Variants in NSMCE2 observed in about 807,000 individuals in gnomAD.
NSMCE2 encodes the protein NSE2 SUMO ligase component of SMC5/6 complex, also known as E3 SUMO-protein ligase NSE2.
Under a neutral mutation model 23.8 loss-of-function variants are expected in NSMCE2, and 24 were observed. The ratio of observed to expected loss-of-function variants is 1.01; its 90% CI spans 0.73 to 1.42. The LOEUF (loss-of-function observed/expected upper bound fraction) is 1.42, where lower values mean the gene tolerates loss of function less well. NSMCE2 is among the 40% of genes most tolerant of loss of function. The pLI is 0.00. For synonymous variants in NSMCE2, 92 were observed against 94.1 expected (o/e 0.98, Z 0.13); for missense variants, 284 against 296.5 (o/e 0.96, Z 0.31).
chr8:125,181,958 A>G lies in NSMCE2; in HGVS notation c.265-145A>G, dbSNP rs556191373. The G allele has an allele frequency of 1.3e-4, 82 of 652,452 alleles. No individual in the cohort carries two copies. The South Asian group carries it at 1.4e-3, about 11-fold the overall frequency. The allele number at this position is 652,452 out of a possible 1,614,324, so 40.4% of individuals were successfully genotyped here. A position where few individuals can be genotyped will look rare whatever the true frequency, so the allele number is the denominator to read the frequency against. On this transcript the variant is annotated intron_variant, in intron 4 of 7. Coordinates refer to ENST00000287437, the MANE Select transcript of NSMCE2 (RefSeq NM_173685.4). Reference sequence around the variant, plus strand: ...GCAGTCTGTCCTAGAACATGTCCCAACCTCTCTGGTGCTTTGTTCAAGAGA... The same window carrying G: ...GCAGTCTGTCCTAGAACATGTCCCAGCCTCTCTGGTGCTTTGTTCAAGAGA...
chr8:125,177,497 A>C lies in NSMCE2; in HGVS notation c.265-4606A>C, dbSNP rs548070703. 5.9e-5 allele frequency among the ~76,000 whole-genome samples: 9 copies of C among 152,248 alleles called. No individual in the cohort carries two copies. In the East Asian group the frequency reaches 1.5e-3, roughly 26 times the overall value. ...CAGAACTCTGTTAACCCCTTTTCTCATCTCAACACAGTGTAATTTAGCCTT... is the reference window on the plus strand; with the variant it reads ...CAGAACTCTGTTAACCCCTTTTCTCCTCTCAACACAGTGTAATTTAGCCTT... On this transcript the variant is annotated intron_variant, in intron 4 of 7. Coordinates refer to ENST00000287437, the MANE Select transcript of NSMCE2 (RefSeq NM_173685.4).
chr8:125,118,196 A>G (rs1819110797), intron 3 of NSMCE2, among the ~76,000 whole-genome samples: 1 of 152,048 alleles, frequency 6.6e-6, no homozygotes, highest in Admixed American at 6.5e-5. Flanking sequence ...AAATACAAAA[A>G]TTAGCTGGGC....
chr8:125,115,729 TA>T (rs1302930353), intron 3 of NSMCE2, among the ~76,000 whole-genome samples: 1 of 150,682 alleles, frequency 6.6e-6, no homozygotes, highest in African/African-American at 2.5e-5. Context: ...TCCGTCTCAA[TA>T]AAAAAAAATA....
chr8:125,134,510 AATG>A (rs983905172), intron 3 of NSMCE2, among the ~76,000 whole-genome samples: 10 of 152,138 alleles, frequency 6.6e-5, no homozygotes, highest in African/African-American at 2.2e-4. Context: ...TGATTTTTCT[AATG>A]ATCATTAAAA....
intron 4 of NSMCE2, among the ~76,000 whole-genome samples, chr8:125,173,414 T>G (rs1822321488): frequency 6.6e-6 from 1 of 152,240 alleles, no homozygotes; most frequent in Non-Finnish European, 1.5e-5. Flanking sequence ...ATGTTTTGTA[T>G]TATTCACTGG....
chr8:125,365,905 G>A (rs183474191), intron 7 of NSMCE2, among the ~76,000 whole-genome samples: 3 of 152,158 alleles, frequency 2.0e-5, no homozygotes, highest in Non-Finnish European at 2.9e-5. Context: ...CCCCATTGGC[G>A]CACTGACCTC....
chr8:125,275,526 C>G (rs1827416382), intron 5 of NSMCE2, among the ~76,000 whole-genome samples: 1 of 152,168 alleles, frequency 6.6e-6, no homozygotes, highest in Non-Finnish European at 1.5e-5. Flanking sequence ...CCTCTAACTT[C>G]CTGAATTCTA....
chr8:125,348,819 C>G (rs991943641), intron 5 of NSMCE2: 1 of 152,086 alleles, frequency 6.6e-6, no homozygotes, highest in Non-Finnish European at 1.5e-5. Flanking sequence ...ATTACCCAGT[C>G]TTGGATGTGT....
At chr8:125,340,410 A>C (rs1830208177) in intron 5 of NSMCE2, among the ~76,000 whole-genome samples, 1 of 150,828 alleles carries the variant, frequency 6.6e-6, no homozygotes, top group South Asian at 2.1e-4. Context: ...TCTGAAAAAT[A>C]AAATAACTGA....
rs924992483 is a variant in NSMCE2 at position 125,163,651 on chromosome 8, C to T, written c.264+12374C>T. ...AAATTGAAAGGTGGTTATATAGTTACCACATACAGTCCTCATCTGACAACC... is the reference window on the plus strand; with the variant it reads ...AAATTGAAAGGTGGTTATATAGTTATCACATACAGTCCTCATCTGACAACC... On this transcript the variant is annotated intron_variant, in intron 4 of 7. Coordinates refer to ENST00000287437, the MANE Select transcript of NSMCE2 (RefSeq NM_173685.4). Among the ~76,000 whole-genome samples, 3 of 152,158 alleles carry T rather than the reference C, an allele frequency of 2.0e-5. No homozygotes were observed. In the East Asian group the frequency reaches 5.8e-4, roughly 29 times the overall value.
intron 5 of NSMCE2, among the ~76,000 whole-genome samples, chr8:125,336,396 A>G (rs950790373): frequency 1.3e-5 from 2 of 152,184 alleles, no homozygotes; most frequent in South Asian, 2.1e-4. Flanking sequence ...CCCGAGATCA[A>G]ATAGCTAGGG....
chr8:125,244,895 A>G (rs1166439842), intron 5 of NSMCE2, among the ~76,000 whole-genome samples: 4 of 152,310 alleles, frequency 2.6e-5, no homozygotes, highest in Admixed American at 2.0e-4. Flanking sequence ...ATAACTACAC[A>G]CTGTACTTTG....
intron 4 of NSMCE2, among the ~76,000 whole-genome samples, chr8:125,178,743 A>C: frequency 6.7e-6 from 1 of 148,348 alleles, no homozygotes; most frequent in Non-Finnish European, 1.5e-5. Context: ...GGTGACGGGC[A>C]CCTGTAGTCC....
At chr8:125,366,372 C>G (rs1253923424) in intron 7 of NSMCE2, among the ~76,000 whole-genome samples, 2 of 152,140 alleles carry the variant, frequency 1.3e-5, no homozygotes, top group African/African-American at 4.8e-5. Flanking sequence ...AACCCTGACT[C>G]TATTAAAAAT....
chr8:125,140,230 T>G (rs1488200338), intron 3 of NSMCE2, among the ~76,000 whole-genome samples: 1 of 152,202 alleles, frequency 6.6e-6, no homozygotes, highest in African/African-American at 2.4e-5. Flanking sequence ...AGATACTAGC[T>G]TAAGTGAAGA....
intron 4 of NSMCE2, among the ~76,000 whole-genome samples, chr8:125,171,483 G>C (rs10106955): frequency 0.027 from 4,134 of 152,220 alleles, 172 homozygotes; most frequent in African/African-American, 0.094. Flanking sequence ...CTAATCAATA[G>C]CATAGGATGT....
chr8:125,273,219 G>A (rs1309875240), intron 5 of NSMCE2, among the ~76,000 whole-genome samples: 1 of 152,174 alleles, frequency 6.6e-6, no homozygotes, highest in African/African-American at 2.4e-5. Context: ...AGACATTTTG[G>A]TATTGAGTCA....
intron 5 of NSMCE2, among the ~76,000 whole-genome samples, chr8:125,284,714 T>C (rs1488039405): frequency 1.3e-5 from 2 of 152,236 alleles, no homozygotes; most frequent in African/African-American, 2.4e-5. Flanking sequence ...GAGGGCTTTA[T>C]TGGATCACTA....
intron 4 of NSMCE2, among the ~76,000 whole-genome samples, chr8:125,157,240 G>C (rs913335968): frequency 1.3e-5 from 2 of 152,218 alleles, no homozygotes; most frequent in Non-Finnish European, 2.9e-5. Flanking sequence ...GGTGACAGGA[G>C]AGTGAAATTA....
Sources: gnomAD v4.1 joint callset for allele counts (sites outside exome capture counted in the v4.1 genomes callset) on GRCh38, gnomAD v4.1.1 for gene constraint, MANE v1.5 for transcripts, NCBI Gene and HGNC (gene_info 2026-07-23, HGNC 2026-07-21) for gene names.